Variants in DNAH11 observed in about 807,000 individuals in gnomAD.
The protein encoded by DNAH11 is axonemal beta dynein heavy chain 11.
DNAH11 carries 442 observed loss-of-function variants against 526.0 expected under a neutral mutation model. The ratio of observed to expected loss-of-function variants is 0.84; its 90% CI spans 0.78 to 0.91. The LOEUF is 0.91. Ranked by LOEUF, DNAH11 falls within the 40% of genes least tolerant of loss-of-function variation. The pLI, the probability that DNAH11 is intolerant of heterozygous loss-of-function variation, is 0.00. For synonymous variants in DNAH11, 2,461 were observed against 1,935.9 expected, an observed-to-expected ratio of 1.27 and a Z score of -7.12; for missense variants, 6,989 against 5,448.7, an observed-to-expected ratio of 1.28 and a Z score of -8.90.
At chr7:21,714,781 A>G (rs1327093009) in intron 42 of DNAH11, among the ~76,000 whole-genome samples, 2 of 152,198 alleles carry the variant, frequency 1.3e-5, no homozygotes, top group African/African-American at 4.8e-5. Flanking sequence ...TCTCTGGCAT[A>G]GAGGCACATT....
intron 62 of DNAH11, among the ~76,000 whole-genome samples, chr7:21,804,732 T>TC (rs1262920777): frequency 3.3e-5 from 5 of 152,130 alleles, no homozygotes; most frequent in Non-Finnish European, 7.4e-5. Flanking sequence ...GTGGCATCTC[T>TC]CCCCTAGGGT....
intron 28 of DNAH11, among the ~76,000 whole-genome samples, chr7:21,651,755 T>C (rs1263055270): frequency 6.6e-6 from 1 of 152,228 alleles, no homozygotes; most frequent in Non-Finnish European, 1.5e-5. Flanking sequence ...GGCAACATGG[T>C]TCAAATTTCA....
chr7:21,821,921 C>T (rs561743949), intron 65 of DNAH11, among the ~76,000 whole-genome samples: 40 of 151,994 alleles, frequency 2.6e-4, no homozygotes, highest in African/African-American at 9.2e-4. Context: ...CCATGAGACC[C>T]GATTTTTTAG....
chr7:21,797,624 A>G (rs1788777886), intron 61 of DNAH11, among the ~76,000 whole-genome samples: 1 of 152,234 alleles, frequency 6.6e-6, no homozygotes, highest in Admixed American at 6.5e-5. Context: ...AATACACATA[A>G]AACAGTCAGT....
In DNAH11 at chr7:21,665,058, G is replaced by A. The variant is rs548920631; in HGVS notation, c.5328+6027G>A. Among the ~76,000 whole-genome samples, 4 of 151,800 alleles carry A rather than the reference G, an allele frequency of 2.6e-5. No homozygotes were observed. In the East Asian group the frequency reaches 5.8e-4, roughly 22 times the overall value. On this transcript the variant is annotated intron_variant, in intron 30 of 81. Coordinates refer to ENST00000409508, the MANE Select transcript of DNAH11 (RefSeq NM_001277115.2). ...GAGGCTCATTCTTGTTGTCAGGAAG[G>A]GATCAGTCTCCTCTCTTTCTTTATC...
chr7:21,569,957 TG>T, intron 6 of DNAH11, 111 bp from the exon 7 acceptor site: 1 of 831,690 alleles, frequency 1.2e-6, no homozygotes, highest in Non-Finnish European at 1.8e-6. Flanking sequence ...TCAGCATTGC[TG>T]GCCCAACTTT....
intron 20 of DNAH11, among the ~76,000 whole-genome samples, chr7:21,609,362 G>A (rs1785424773): frequency 2.6e-5 from 4 of 152,116 alleles, no homozygotes; most frequent in Middle Eastern, 3.4e-3. Flanking sequence ...ACCACAGACA[G>A]GCACGCACCA....
At chr7:21,592,444 A>G (rs1784724017) in intron 14 of DNAH11, among the ~76,000 whole-genome samples, 1 of 152,208 alleles carries the variant, frequency 6.6e-6, no homozygotes, top group African/African-American at 2.4e-5. Flanking sequence ...GCAAACTGAG[A>G]TCAGAATTTG....
chr7:21,865,469 G>A (rs1300756576), intron 70 of DNAH11, among the ~76,000 whole-genome samples: 1 of 152,148 alleles, frequency 6.6e-6, no homozygotes, highest in Non-Finnish European at 1.5e-5. Context: ...TGTTTTCATA[G>A]TATGGGCAAG....
In DNAH11 at chr7:21,849,653, A is replaced by G. The variant is rs1014656857; in HGVS notation, c.10897-2814A>G. On this transcript the variant is annotated intron_variant, in intron 66 of 81. Coordinates refer to ENST00000409508, the MANE Select transcript of DNAH11 (RefSeq NM_001277115.2). ...TATTTTACTCAACTCTCCTTTTTGC[A>G]TAGTTTCTCAAGAGAAGTTCCATGT... Among the ~76,000 whole-genome samples the G allele has an allele frequency of 5.9e-5, 9 of 152,072 alleles. No individual in the cohort carries two copies. In the South Asian group the frequency reaches 8.3e-4, roughly 14 times the overall value.
At chr7:21,770,687 A>G (rs946932200) in intron 55 of DNAH11, among the ~76,000 whole-genome samples, 3 of 152,186 alleles carry the variant, frequency 2.0e-5, no homozygotes, top group Admixed American at 6.5e-5. Context: ...ATGTTTGACT[A>G]TTGGGAAAGC....
chr7:21,804,027 AG>A (rs1431976093), intron 62 of DNAH11, among the ~76,000 whole-genome samples: 3 of 152,210 alleles, frequency 2.0e-5, no homozygotes, highest in African/African-American at 7.2e-5. Context: ...GCAAGAAACG[AG>A]GGGGTACGTG....
intron 44 of DNAH11, among the ~76,000 whole-genome samples, chr7:21,722,685 A>C (rs1258274282): frequency 1.3e-5 from 2 of 152,030 alleles, no homozygotes; most frequent in African/African-American, 4.8e-5. Flanking sequence ...AGCAGCCAAT[A>C]CTGTGTGAGA....
intron 51 of DNAH11, 89 bp downstream of exon 51, chr7:21,745,152 C>T: frequency 7.5e-7 from 1 of 1,335,806 alleles, no homozygotes; most frequent in South Asian, 1.4e-5. Flanking sequence ...ATACTAAGCA[C>T]TCTGAACCAT....
rs564904801 is a variant in DNAH11, at chr7:21,655,067, T to C, written c.4945-765T>C. On this transcript the variant is annotated intron_variant, in intron 28 of 81. Transcript: ENST00000409508. ...ATCTGATCTTTGTTGTTGTTGGTTT[T>C]CCCCCCCCACCCCCAAATTGTCTGG... is the stretch of plus-strand genomic sequence containing the variant. Among the ~76,000 whole-genome samples the C allele has an allele frequency of 4.5e-3, 681 of 151,070 alleles. 5 individuals carry two copies. The highest frequency in any genetic ancestry group is 6.0e-3 in the Non-Finnish European group (408 of 67,846).
chr7:21,744,856 T>G lies in DNAH11; in HGVS notation c.8317-14T>G. 5.6e-6 allele frequency: 9 copies of G among 1,597,138 alleles called. No homozygotes were observed. Among genetic ancestry groups the G allele is most frequent in the Non-Finnish European group, 7.7e-6 (9 of 1,172,820 alleles). ...TGGTTGACATGCCATATTTTTCTCT[T>G]TCTCATCCTGCAGGGTATAGATAGT... On this transcript the variant is annotated splice_polypyrimidine_tract_variant and intron_variant, in intron 50 of 81. Transcript: ENST00000409508.
intron 7 of DNAH11, 27 bp downstream of exon 7, chr7:21,570,326 C>A: frequency 6.4e-7 from 1 of 1,566,776 alleles, no homozygotes; most frequent in South Asian, 1.2e-5. Flanking sequence ...TTTATTTATT[C>A]ATGTTGAAGG....
In DNAH11 at chr7:21,868,019, G is replaced by C. The variant is rs148063720; in HGVS notation, c.11839+12G>C. On this transcript the variant is annotated intron_variant, in intron 72 of 81. Transcript: ENST00000409508. ...CCTGGAGATTCTTGGTGAGTGGCTG[G>C]GAGGCTCGCTGGCCCGCCCCTTCTC... 404 of 1,508,408 alleles carry C rather than the reference G, an allele frequency of 2.7e-4. 4 individuals carry two copies. In the East Asian group the frequency reaches 6.8e-3, roughly 25 times the overall value. The allele number at this position is 1,508,408 out of a possible 1,614,324, so 93.4% of individuals were successfully genotyped here.
At chr7:21,673,861 G>C (rs1293581606) in intron 30 of DNAH11, among the ~76,000 whole-genome samples, 1 of 151,624 alleles carries the variant, frequency 6.6e-6, no homozygotes, top group Non-Finnish European at 1.5e-5. Flanking sequence ...CTTTAACTTA[G>C]AAAATACTTC....
Sources: gnomAD v4.1 joint callset for allele counts (sites outside exome capture counted in the v4.1 genomes callset) on GRCh38, gnomAD v4.1.1 for gene constraint, MANE v1.5 for transcripts, NCBI Gene and HGNC (gene_info 2026-07-23, HGNC 2026-07-21) for gene names.